The following DAB1 variants were observed in gnomAD, a reference collection of about 807,000 sequenced individuals.
The protein encoded by DAB1 is DAB adaptor protein 1.
Under a neutral mutation model 64.6 loss-of-function variants are expected in DAB1, and 15 were observed. The ratio of observed to expected loss-of-function variants is 0.23; its 90% CI spans 0.16 to 0.36. The LOEUF (loss-of-function observed/expected upper bound fraction) is 0.36, where lower values mean the gene tolerates loss of function less well. Among genes scored for constraint, DAB1 ranks in the 10% least tolerant of loss-of-function variants. DAB1 has a pLI of 1.00. For missense variants in DAB1, 596 were observed against 706.7 expected (o/e 0.84, Z 1.78); for synonymous variants, 235 against 251.9 (o/e 0.93, Z 0.64).
chr1:57,867,222 C>T (rs1654342868), intron 1 of DAB1: 1 of 152,148 alleles, frequency 6.6e-6, no homozygotes, highest in Non-Finnish European at 1.5e-5. Context: ...GGACTTCACC[C>T]CGGAAAACTC....
At chr1:58,341,293 G>A (rs1886306) in intron 4 of DAB1, among the ~76,000 whole-genome samples, 19,207 of 152,042 alleles carry the variant, frequency 0.13, 1,255 homozygotes, top group Non-Finnish European at 0.14. Context: ...CTCTGAAGCC[G>A]TAACAGGAGG....
At chr1:57,514,344 T>C (rs552388156) in intron 7 of DAB1, among the ~76,000 whole-genome samples, 42 of 152,362 alleles carry the variant, frequency 2.8e-4, no homozygotes, top group African/African-American at 9.9e-4. Flanking sequence ...CCAACACTTA[T>C]GTTTCATCTT....
chr1:57,914,485 T>C (rs1042588644), intron 5 of DAB1, among the ~76,000 whole-genome samples: 4 of 151,882 alleles, frequency 2.6e-5, no homozygotes, highest in African/African-American at 9.7e-5. Flanking sequence ...GACGAGTTAA[T>C]GGGTGCAGCA....
At chr1:57,044,357 A>C (rs567022505) in intron 9 of DAB1, among the ~76,000 whole-genome samples, 182 of 152,334 alleles carry the variant, frequency 1.2e-3, no homozygotes, top group Non-Finnish European at 2.2e-3. Flanking sequence ...TGGGTGAAGG[A>C]ATGAATGCTT....
chr1:57,641,056 C>T lies in DAB1; in HGVS notation n.625+8536G>A, dbSNP rs375680922. Among the ~76,000 whole-genome samples, 14 of 152,288 alleles carry T rather than the reference C, an allele frequency of 9.2e-5. 1 individual carries two copies. The highest frequency in any genetic ancestry group is 3.4e-4 in the African/African-American group (14 of 41,560). ...GTCCTAGTGACTGCATTCAAACTCA[C>T]TCCTGGCATTAGTGAGTTAATTAGT... is the stretch of plus-strand genomic sequence containing the variant. On this transcript the variant is annotated intron_variant and non_coding_transcript_variant, in intron 7 of 20. Coordinates refer to the DAB1 transcript ENST00000485760.
At chr1:58,213,895 C>G (rs1658699634) in intron 4 of DAB1, among the ~76,000 whole-genome samples, 1 of 152,152 alleles carries the variant, frequency 6.6e-6, no homozygotes, top group African/African-American at 2.4e-5. Flanking sequence ...TTCTCTGTTT[C>G]TTTGCCATAA....
At chr1:57,605,503 T>A (rs1241558295) in intron 7 of DAB1, among the ~76,000 whole-genome samples, 3 of 152,132 alleles carry the variant, frequency 2.0e-5, no homozygotes, top group Admixed American at 6.6e-5. Flanking sequence ...GTTTCAAGGG[T>A]TGGCACCAGA....
chr1:57,818,222 T>G (rs1392673540), intron 6 of DAB1, among the ~76,000 whole-genome samples: 1 of 152,104 alleles, frequency 6.6e-6, no homozygotes, highest in South Asian at 2.1e-4. Context: ...AATAGAAATA[T>G]CAAAATGATT....
chr1:57,616,094 T>G (rs2101609310), intron 7 of DAB1, among the ~76,000 whole-genome samples: 1 of 152,302 alleles, frequency 6.6e-6, no homozygotes. Context: ...TCCAGTGTTC[T>G]TACTATGGCC....
intron 2 of DAB1, among the ~76,000 whole-genome samples, chr1:58,515,247 A>T (rs1646141592): frequency 6.6e-6 from 1 of 152,210 alleles, no homozygotes; most frequent in South Asian, 2.1e-4. Context: ...AATTTCAGCT[A>T]AGCCATTCTC....
intron 4 of DAB1, among the ~76,000 whole-genome samples, chr1:58,290,433 T>C (rs1035691868): frequency 2.0e-5 from 3 of 152,112 alleles, no homozygotes; most frequent in African/African-American, 7.2e-5. Context: ...AATTTTTTCA[T>C]ATTATTAAAG....
At chr1:57,649,770 T>C (rs1646234912) in intron 6 of DAB1, 1 of 152,170 alleles carries the variant, frequency 6.6e-6, no homozygotes, top group South Asian at 2.1e-4. Context: ...CTTCCTCCCA[T>C]ACACCAGGCA....
At chr1:57,764,934 C>A (rs1192638000) in intron 6 of DAB1, among the ~76,000 whole-genome samples, 2 of 152,048 alleles carry the variant, frequency 1.3e-5, no homozygotes, top group Non-Finnish European at 2.9e-5. Flanking sequence ...AGATTTAAAA[C>A]AAAATTTAGA....
At chr1:57,464,947 G>A (rs1052004254) in intron 7 of DAB1, among the ~76,000 whole-genome samples, 1 of 151,738 alleles carries the variant, frequency 6.6e-6, no homozygotes, top group African/African-American at 2.4e-5. Flanking sequence ...TTTGTTAACA[G>A]CTCCATCTCC....
chr1:57,377,649 C>T lies in DAB1; in HGVS notation c.-137+46281G>A, dbSNP rs530243249. ...CCTCCCTCTTACTACCTGAAAGGCT[C>T]AAAATGTAAGGCATTATAATTACTA... On this transcript the variant is annotated intron_variant, in intron 1 of 14. Coordinates refer to ENST00000371236, the MANE Select transcript of DAB1 (RefSeq NM_001365792.1). Among the ~76,000 whole-genome samples, 182 of 152,286 alleles carry T rather than the reference C, an allele frequency of 1.2e-3. 2 individuals carry two copies. Among genetic ancestry groups the T allele is most frequent in the African/African-American group, 4.1e-3 (170 of 41,570 alleles).
chr1:58,187,475 GAA>G (rs1378011440), intron 4 of DAB1, among the ~76,000 whole-genome samples: 1 of 148,474 alleles, frequency 6.7e-6, no homozygotes. Context: ...GACCCTGTCT[GAA>G]AAAAAAAGAA....
chr1:58,129,664 T>C (rs2100691686), intron 5 of DAB1, among the ~76,000 whole-genome samples: 1 of 144,532 alleles, frequency 6.9e-6, no homozygotes, highest in African/African-American at 2.6e-5. Context: ...TGTGTCTTTG[T>C]TCTCGTTGGT....
intron 3 of DAB1, among the ~76,000 whole-genome samples, chr1:58,369,970 T>G (rs1328528556): frequency 2.6e-5 from 4 of 152,248 alleles, no homozygotes; most frequent in African/African-American, 9.6e-5. Flanking sequence ...AAAGTATAAA[T>G]TGTTGTAGCA....
intron 5 of DAB1, among the ~76,000 whole-genome samples, chr1:58,057,664 A>G (rs144140149): frequency 5.3e-5 from 8 of 152,352 alleles, no homozygotes; most frequent in African/African-American, 1.2e-4. Context: ...TCTTCAGAGC[A>G]TAGCTTTGCC....
Sources: allele counts gnomAD v4.1 joint callset (sites outside exome capture counted in the v4.1 genomes callset), GRCh38; gene constraint gnomAD v4.1.1; transcripts MANE v1.5; gene names NCBI Gene and HGNC (gene_info 2026-07-23, HGNC 2026-07-21).